Variants in PPIL4 observed in about 807,000 individuals in gnomAD.
PPIL4 encodes the protein peptidyl-prolyl cis-trans isomerase-like 4.
Under a neutral mutation model 69.1 loss-of-function variants are expected in PPIL4, and 50 were observed. The observed-to-expected ratio is 0.72, with a 90% CI of 0.58 to 0.92. The LOEUF is 0.92. Ranked by LOEUF, PPIL4 falls within the 40% of genes least tolerant of loss-of-function variation. PPIL4 has a pLI of 0.00. For missense variants in PPIL4, 480 were observed against 587.9 expected (o/e 0.82, Z 1.90); for synonymous variants, 193 against 191.6 (o/e 1.01, Z -0.06).
chr6:149,530,158 T>C (rs1305635796), intron 7 of PPIL4, among the ~76,000 whole-genome samples: 1 of 152,192 alleles, frequency 6.6e-6, no homozygotes, highest in Non-Finnish European at 1.5e-5. Context: ...TAATTAATAA[T>C]GTATCAATAT....
At chr6:149,523,605 C>T (rs781614924) in intron 9 of PPIL4, among the ~76,000 whole-genome samples, 1 of 151,718 alleles carries the variant, frequency 6.6e-6, no homozygotes, top group Non-Finnish European at 1.5e-5. Flanking sequence ...GCATGAGAAT[C>T]GCTTGAAACT....
At chr6:149,531,079 A>G (rs951406921) in intron 7 of PPIL4, among the ~76,000 whole-genome samples, 35 of 151,916 alleles carry the variant, frequency 2.3e-4, no homozygotes, top group Non-Finnish European at 1.9e-4. Context: ...AAAATATTCT[A>G]TTGGCCGGGC....
intron 4 of PPIL4, among the ~76,000 whole-genome samples, chr6:149,537,735 A>ATTCTGC (rs1777299804): frequency 1.3e-5 from 2 of 152,140 alleles, no homozygotes; most frequent in African/African-American, 4.8e-5. Flanking sequence ...TGCTAAATCT[A>ATTCTGC]TTCTGCCTGT....
chr6:149,526,520 A>G, intron 8 of PPIL4, 132 bp downstream of exon 8: 1 of 737,702 alleles, frequency 1.4e-6, no homozygotes, highest in Non-Finnish European at 2.2e-6. Flanking sequence ...TACTGTCCAA[A>G]GACTCACCTG....
intron 6 of PPIL4, 28 bp from the exon 7 acceptor site, chr6:149,533,602 A>G (rs779238499): frequency 1.6e-6 from 2 of 1,258,764 alleles, no homozygotes; most frequent in Admixed American, 4.1e-5. Context: ...ACTCATGTAT[A>G]TATTTAAAGA....
chr6:149,544,525 T>G (rs1777410563), intron 1 of PPIL4, among the ~76,000 whole-genome samples: 1 of 152,218 alleles, frequency 6.6e-6, no homozygotes, highest in Non-Finnish European at 1.5e-5. Context: ...AGGGCACGCT[T>G]GTAAACAACA....
chr6:149,528,114 G>A (rs1286932104), intron 7 of PPIL4, among the ~76,000 whole-genome samples: 2 of 152,186 alleles, frequency 1.3e-5, no homozygotes, highest in Non-Finnish European at 2.9e-5. Flanking sequence ...AAATTAGCCA[G>A]GCATGGCAGT....
At position 149,541,402 on chromosome 6, in the gene PPIL4, A is replaced by C. The variant is rs34870012; in HGVS notation, c.168T>G (p.Pro56=). The C allele has an allele frequency of 2.2e-3, 3,446 of 1,559,888 alleles. 10 individuals are homozygous for C. Among genetic ancestry groups the C allele is most frequent in the Non-Finnish European group, 2.7e-3 (3,093 of 1,145,144 alleles). Residue 56 remains proline (P), a synonymous_variant, in exon 3 of 13, where the codon CCT becomes CCG. Transcript: ENST00000253329. ...ACTCTCCTCCACGGCCAGTCCCTGT[A>C]GGATCGCCAGTTTGTATGATAAAAT... is the stretch of plus-strand genomic sequence containing the variant. ...QRDFIIQTGD[P]TGTGRGGESI...
At chr6:149,518,881 A>G (rs1776985603) in intron 10 of PPIL4, among the ~76,000 whole-genome samples, 1 of 152,222 alleles carries the variant, frequency 6.6e-6, no homozygotes, top group South Asian at 2.1e-4. Context: ...ACTGAAAATA[A>G]TACCAACATT....
chr6:149,505,090 C>T lies in PPIL4; in HGVS notation c.*363G>A, dbSNP rs1776748273. 1.2e-5 allele frequency: 2 copies of T among 160,190 alleles called. No homozygotes were observed. Among genetic ancestry groups the T allele is most frequent in the Non-Finnish European group, 2.7e-5 (2 of 73,618 alleles). The allele number at this position is 160,190 out of a possible 1,614,324, so 9.9% of individuals were successfully genotyped here. On this transcript the variant is annotated 3_prime_UTR_variant, in exon 13 of 13. Coordinates refer to ENST00000253329, the MANE Select transcript of PPIL4 (RefSeq NM_139126.4). ...TAGGGAACTTCTAAAATGTCGACAACATCTGTATCTTAAGCTGGCTGATGA... is the reference window on the plus strand; with the variant it reads ...TAGGGAACTTCTAAAATGTCGACAATATCTGTATCTTAAGCTGGCTGATGA...
At chr6:149,545,706 A>G (rs1386427923) in intron 1 of PPIL4, among the ~76,000 whole-genome samples, 1 of 152,188 alleles carries the variant, frequency 6.6e-6, no homozygotes, top group African/African-American at 2.4e-5. Context: ...AGCACCGTCC[A>G]CCGGACTGGC....
chr6:149,517,355 C>G lies in PPIL4; in HGVS notation c.1078G>C (p.Asp360His). 6.5e-7 allele frequency: 1 copy of G among 1,533,984 alleles called. No homozygotes were observed. Among genetic ancestry groups the G allele is most frequent in the Non-Finnish European group, 9.0e-7 (1 of 1,108,224 alleles). ...CTAACTGATTCTTGGTAAGGATACT[C>G]CTGTTTGGGCTTTACTTTATCTTTC... ...VLKDKVKPKQ[D>H]TKYDLILDEQ... The change falls in exon 11 of 13, where the codon GAT (aspartate) becomes CAT (histidine). Residue 360 changes from aspartate to histidine, a missense_variant and splice_region_variant. Transcript: ENST00000253329.
chr6:149,512,046 A>C, intron 12 of PPIL4, 109 bp downstream of exon 12: 1 of 836,030 alleles, frequency 1.2e-6, no homozygotes, highest in Non-Finnish European at 1.8e-6. Flanking sequence ...GAACAAACCC[A>C]TCTCTGCTTA....
At chr6:149,540,760 T>C (rs918106509) in intron 4 of PPIL4, among the ~76,000 whole-genome samples, 182 bp downstream of exon 4, 4 of 152,256 alleles carry the variant, frequency 2.6e-5, no homozygotes, top group African/African-American at 9.6e-5. Context: ...ACAATAGGAA[T>C]GCTTTACATT....
At position 149,540,903 on chromosome 6, in the gene PPIL4, A is replaced by C. The variant is rs1342763067; in HGVS notation, c.321+39T>G. On this transcript the variant is annotated intron_variant, in intron 4 of 12. Transcript: ENST00000253329. ...CTCTGTGGGCTCCTTCCAGTCCTTC[A>C]TTTCTAAGCAAATCTCATATTCTTA... 3.1e-6 allele frequency: 4 copies of C among 1,289,934 alleles called. No individual in the cohort carries two copies. The African/African-American group carries it at 4.4e-5, about 14-fold the overall frequency. The allele number at this position is 1,289,934 out of a possible 1,614,324, so 79.9% of individuals were successfully genotyped here.
At chr6:149,514,740 T>G (rs1776915181) in intron 11 of PPIL4, among the ~76,000 whole-genome samples, 1 of 145,818 alleles carries the variant, frequency 6.9e-6, no homozygotes, top group Admixed American at 7.0e-5. Context: ...CTAAAAAAAT[T>G]TTATTTTATT....
chr6:149,514,353 GCT>G (rs1190412448), intron 11 of PPIL4, among the ~76,000 whole-genome samples: 7 of 152,218 alleles, frequency 4.6e-5, no homozygotes, highest in Admixed American at 4.6e-4. Flanking sequence ...ACTCAGTCTT[GCT>G]CTGTTGCCCA....
intron 9 of PPIL4, among the ~76,000 whole-genome samples, chr6:149,523,995 TC>T (rs1562259225): frequency 6.6e-6 from 1 of 152,210 alleles, no homozygotes; most frequent in Admixed American, 6.5e-5. Context: ...TCATCTTGTA[TC>T]CCTAGGCCTT....
chr6:149,518,272 C>A (rs1210889734), intron 10 of PPIL4, among the ~76,000 whole-genome samples: 1 of 152,178 alleles, frequency 6.6e-6, no homozygotes, highest in East Asian at 1.9e-4. Flanking sequence ...CCTCTCTACT[C>A]TCAACTCTAG....
Sources: gnomAD v4.1 joint callset for allele counts (sites outside exome capture counted in the v4.1 genomes callset) on GRCh38, gnomAD v4.1.1 for gene constraint, MANE v1.5 for transcripts, NCBI Gene and HGNC (gene_info 2026-07-23, HGNC 2026-07-21) for gene names.